Variants in UBE2Q2 observed in about 807,000 individuals in gnomAD.
UBE2Q2 encodes the protein ubiquitin conjugating enzyme E2 Q2, also known as ubiquitin-conjugating enzyme E2 Q2.
A neutral mutation model predicts 59.9 loss-of-function variants in UBE2Q2; 54 were observed. That is an observed-to-expected ratio of 0.90 (90% CI 0.72 to 1.13). The LOEUF (loss-of-function observed/expected upper bound fraction) is 1.13, where lower values mean the gene tolerates loss of function less well. Among genes scored for constraint, UBE2Q2 ranks in the 50% most tolerant of loss-of-function variants. UBE2Q2 has a pLI of 0.00. For synonymous variants in UBE2Q2, 165 were observed against 155.2 expected (o/e 1.06, Z -0.47); for missense variants, 433 against 441.9 (o/e 0.98, Z 0.18).
chr15:75,864,750 T>C (rs546334826), intron 3 of UBE2Q2, among the ~76,000 whole-genome samples: 26 of 152,334 alleles, frequency 1.7e-4, no homozygotes, highest in African/African-American at 6.3e-4. Flanking sequence ...ATTAGTCTTG[T>C]GAAAGAATCC....
At chr15:75,895,914 G>A (rs2141680259) in intron 11 of UBE2Q2, among the ~76,000 whole-genome samples, 1 of 152,204 alleles carries the variant, frequency 6.6e-6, no homozygotes, top group East Asian at 1.9e-4. Flanking sequence ...TACGTACAAG[G>A]TTGCTCTTGG....
chr15:75,849,208 G>A (rs1412663784), intron 1 of UBE2Q2, among the ~76,000 whole-genome samples: 2 of 152,104 alleles, frequency 1.3e-5, no homozygotes, highest in African/African-American at 4.8e-5. Context: ...ATTTTATTAA[G>A]GTACTATATG....
In UBE2Q2 at chr15:75,893,537, A is replaced by G. The variant is rs535294710; in HGVS notation, c.1029+2523A>G. On this transcript the variant is annotated intron_variant, in intron 11 of 12. Coordinates refer to ENST00000267938, the MANE Select transcript of UBE2Q2 (RefSeq NM_173469.4). ...ACCCTGTGTACTACTAGTAAGATAA[A>G]CAGAATGCCCATATGTAGATTTGAA... 3.8e-3 allele frequency among the ~76,000 whole-genome samples: 582 copies of G among 152,298 alleles called. 2 individuals carry two copies. Among genetic ancestry groups the G allele is most frequent in the African/African-American group, 0.014 (569 of 41,552 alleles).
chr15:75,856,931 ACT>A (rs1269408438), intron 2 of UBE2Q2, among the ~76,000 whole-genome samples: 2 of 148,674 alleles, frequency 1.3e-5, no homozygotes, highest in African/African-American at 5.0e-5. Context: ...ACAGAGCAAG[ACT>A]CTGTCTCCAA....
At chr15:75,874,350 C>T (rs1290855838) in intron 5 of UBE2Q2, among the ~76,000 whole-genome samples, 2 of 149,346 alleles carry the variant, frequency 1.3e-5, no homozygotes, top group African/African-American at 5.0e-5. Context: ...GTGGCATGAT[C>T]TCAGCTCACT....
intron 8 of UBE2Q2, among the ~76,000 whole-genome samples, chr15:75,880,282 T>C (rs1898331502): frequency 6.6e-6 from 1 of 151,916 alleles, no homozygotes; most frequent in African/African-American, 2.4e-5. Flanking sequence ...CCGGCTAATT[T>C]TTTTATTTTT....
At chr15:75,852,884 ACTTATT>A (rs1468196045) in intron 1 of UBE2Q2, among the ~76,000 whole-genome samples, 2 of 152,230 alleles carry the variant, frequency 1.3e-5, no homozygotes, top group African/African-American at 2.4e-5. Context: ...CATCAATACA[ACTTATT>A]CTTAAAAGAA....
At chr15:75,845,191 C>T (rs1224161718) in intron 1 of UBE2Q2, among the ~76,000 whole-genome samples, 3 of 151,996 alleles carry the variant, frequency 2.0e-5, no homozygotes, top group Admixed American at 2.0e-4. Flanking sequence ...TCAGGGAAGG[C>T]TTTGATGAGA....
intron 1 of UBE2Q2, chr15:75,844,199 C>T (rs986195118): frequency 1.4e-6 from 2 of 1,453,860 alleles, no homozygotes; most frequent in Admixed American, 2.4e-5. Context: ...CGGGGCGGGG[C>T]GGGGCGGGGC....
intron 11 of UBE2Q2, chr15:75,894,967 A>G (rs943245925): frequency 6.6e-6 from 1 of 151,972 alleles, no homozygotes; most frequent in Non-Finnish European, 1.5e-5. Context: ...TGGGCGGATC[A>G]CAAGGTCAGG....
chr15:75,893,600 G>C (rs183121697), intron 11 of UBE2Q2, among the ~76,000 whole-genome samples: 8 of 152,218 alleles, frequency 5.3e-5, no homozygotes, highest in Non-Finnish European at 1.2e-4. Flanking sequence ...GACAAATATA[G>C]ACCTCTGTAC....
At position 75,843,856 on chromosome 15, in the gene UBE2Q2, C is replaced by T. The variant is rs536142046; in HGVS notation, c.180+10C>T. 3.2e-6 allele frequency: 5 copies of T among 1,548,850 alleles called. No individual in the cohort carries two copies. The highest frequency in any genetic ancestry group is 3.8e-5 in the Admixed American group (2 of 51,970). ...CCACTGCAACATCACGGTGAGGCGCCCGGCCGCGGCCCCGCGGGGCAGGGC... is the reference window on the plus strand; with the variant it reads ...CCACTGCAACATCACGGTGAGGCGCTCGGCCGCGGCCCCGCGGGGCAGGGC... On this transcript the variant is annotated intron_variant, in intron 1 of 12. Transcript: ENST00000267938.
intron 11 of UBE2Q2, among the ~76,000 whole-genome samples, chr15:75,895,453 G>A (rs1415098181): frequency 6.6e-6 from 1 of 151,910 alleles, no homozygotes; most frequent in Non-Finnish European, 1.5e-5. Flanking sequence ...AAAGTACTGG[G>A]ATTACAGGTG....
At chr15:75,863,384 A>G (rs1213501889) in intron 3 of UBE2Q2, among the ~76,000 whole-genome samples, 2 of 152,058 alleles carry the variant, frequency 1.3e-5, no homozygotes, top group Non-Finnish European at 2.9e-5. Flanking sequence ...CCTCAGGACA[A>G]AGAGCAGATG....
In UBE2Q2 at chr15:75,883,837, C is replaced by CAT. The variant is rs75405411; in HGVS notation, c.884+415_884+416dup. On this transcript the variant is annotated intron_variant, in intron 9 of 12. Transcript: ENST00000267938. ...TGATTCATACACACATGTATTTATA[C>CAT]ATACACACACACACACACACACACA... 3.2e-3 allele frequency among the ~76,000 whole-genome samples: 43 copies of CAT among 13,622 alleles called. 1 individual carries two copies. Among genetic ancestry groups the CAT allele is most frequent in the African/African-American group, 4.5e-3 (42 of 9,390 alleles). The allele number at this position is 13,622 out of a possible 152,430, so 8.9% of individuals were successfully genotyped here.
intron 9 of UBE2Q2, among the ~76,000 whole-genome samples, chr15:75,889,425 A>G (rs1017691039): frequency 1.3e-5 from 2 of 152,190 alleles, no homozygotes; most frequent in South Asian, 2.1e-4. Flanking sequence ...GTCTACAGTA[A>G]AAGTTTTTAG....
intron 4 of UBE2Q2, among the ~76,000 whole-genome samples, chr15:75,872,700 T>C (rs893373849): frequency 6.6e-6 from 1 of 152,044 alleles, no homozygotes; most frequent in African/African-American, 2.4e-5. Flanking sequence ...ACTTTTTTTC[T>C]AGTTATAAAC....
chr15:75,844,282 T>G, intron 1 of UBE2Q2: 1 of 1,541,338 alleles, frequency 6.5e-7, no homozygotes, highest in Non-Finnish European at 8.8e-7. Context: ...GCCTCATTTT[T>G]CAGTCGGATT....
At chr15:75,862,063 A>G (rs1897232801) in intron 3 of UBE2Q2, among the ~76,000 whole-genome samples, 1 of 152,186 alleles carries the variant, frequency 6.6e-6, no homozygotes, top group African/African-American at 2.4e-5. Context: ...TTTGGCTTCC[A>G]GAAGCACAGA....
Sources: gnomAD v4.1 joint callset for allele counts (sites outside exome capture counted in the v4.1 genomes callset) on GRCh38, gnomAD v4.1.1 for gene constraint, MANE v1.5 for transcripts, NCBI Gene and HGNC (gene_info 2026-07-23, HGNC 2026-07-21) for gene names.